Variants in ALK observed in about 807,000 individuals in gnomAD.
ALK encodes the protein ALK receptor tyrosine kinase.
In ALK, 74 loss-of-function variants were observed where a neutral mutation model predicts 163.1. The ratio of observed to expected loss-of-function variants is 0.45; its 90% CI spans 0.38 to 0.55. ALK has a LOEUF of 0.55. ALK is among the 20% of genes least tolerant of loss of function. The pLI, the probability that ALK is intolerant of heterozygous loss-of-function variation, is 0.00. For synonymous variants in ALK, 960 were observed against 843.2 expected, an observed-to-expected ratio of 1.14 and a Z score of -2.40; for missense variants, 2,063 against 2,105.3, an observed-to-expected ratio of 0.98 and a Z score of 0.39.
chr2:29,351,110 G>A (rs1668100231), intron 5 of ALK, among the ~76,000 whole-genome samples: 2 of 152,182 alleles, frequency 1.3e-5, no homozygotes, highest in African/African-American at 2.4e-5. Context: ...ATTTGAACAT[G>A]GGACACGTTT....
At chr2:29,424,648 T>A (rs1670093373) in intron 4 of ALK, among the ~76,000 whole-genome samples, 1 of 152,210 alleles carries the variant, frequency 6.6e-6, no homozygotes, top group South Asian at 2.1e-4. Context: ...AGCTTAATTA[T>A]TTGTATATTC....
At chr2:29,862,420 T>C (rs1276974620) in intron 1 of ALK, among the ~76,000 whole-genome samples, 1 of 152,184 alleles carries the variant, frequency 6.6e-6, no homozygotes, top group Non-Finnish European at 1.5e-5. Context: ...AACGAACTGT[T>C]AGAAATAATA....
In ALK at chr2:29,193,317, G is replaced by A. The variant is rs1364640889; in HGVS notation, c.4770C>T (p.Gly1590=). ...GNVNYGYQQQ[G]LPLEAATAPG... ...GGGCAGTAGCGGCTTCTAAGGGCAA[G>A]CCCTGTTGCTGGTAGCCGTAATTGA... The change falls in exon 29 of 29, where the codon GGC becomes GGT. Residue 1590 remains glycine, a synonymous_variant. Coordinates refer to ENST00000389048, the MANE Select transcript of ALK (RefSeq NM_004304.5). 1 of 1,614,190 alleles carries A rather than the reference G, an allele frequency of 6.2e-7. No individual in the cohort carries two copies. The highest frequency in any genetic ancestry group is 8.5e-7 in the Non-Finnish European group (1 of 1,180,036).
chr2:29,785,874 G>C (rs1465595174), intron 1 of ALK, among the ~76,000 whole-genome samples: 1 of 151,358 alleles, frequency 6.6e-6, no homozygotes, highest in Non-Finnish European at 1.5e-5. Context: ...GAGATTCAGG[G>C]GGAATATCAT....
At chr2:29,784,676 C>T (rs772440478) in intron 1 of ALK, among the ~76,000 whole-genome samples, 39 of 148,510 alleles carry the variant, frequency 2.6e-4, no homozygotes, top group Admixed American at 4.8e-4. Context: ...GGCTGGGTGA[C>T]AGAGCAAGAC....
At chr2:29,610,858 A>C (rs1212777804) in intron 3 of ALK, among the ~76,000 whole-genome samples, 1 of 152,092 alleles carries the variant, frequency 6.6e-6, no homozygotes, top group East Asian at 1.9e-4. Flanking sequence ...GAGTTTTGTC[A>C]CTTGAATACA....
At chr2:29,868,043 AGCCTTGAGATCAT>A (rs1666483930) in intron 1 of ALK, among the ~76,000 whole-genome samples, 1 of 152,224 alleles carries the variant, frequency 6.6e-6, no homozygotes, top group Non-Finnish European at 1.5e-5. Context: ...GGAAGCTCAA[AGCCTTGAGATCAT>A]GCCCTACTTT....
At chr2:29,465,275 T>C (rs1671182567) in intron 4 of ALK, among the ~76,000 whole-genome samples, 1 of 152,200 alleles carries the variant, frequency 6.6e-6, no homozygotes, top group East Asian at 1.9e-4. Flanking sequence ...TAGAGCAATA[T>C]CTTTAAAGTG....
In ALK at chr2:29,580,267, G is replaced by A. The variant is rs76986199; in HGVS notation, c.953-48151C>T. On this transcript the variant is annotated intron_variant, in intron 3 of 28. Coordinates refer to ENST00000389048, the MANE Select transcript of ALK (RefSeq NM_004304.5). ...TTGCTCATGTCAACCCGTGATTACC[G>A]TGCACTACCTTGATAACAGCCTGCT... 1.7e-3 allele frequency among the ~76,000 whole-genome samples: 252 copies of A among 152,234 alleles called. 1 individual carries two copies. Among genetic ancestry groups the A allele is most frequent in the African/African-American group, 4.9e-3 (204 of 41,536 alleles).
chr2:29,212,604 T>C (rs1669493699), intron 24 of ALK, among the ~76,000 whole-genome samples: 1 of 152,246 alleles, frequency 6.6e-6, no homozygotes, highest in South Asian at 2.1e-4. Flanking sequence ...GGAGTGACTT[T>C]GGAACTTAGG....
chr2:29,830,999 A>G (rs1263018165), intron 1 of ALK, among the ~76,000 whole-genome samples: 1 of 50,618 alleles, frequency 2.0e-5, no homozygotes, highest in African/African-American at 6.2e-5. Flanking sequence ...AAGAAGAAGA[A>G]GAAGAAGAAG....
At chr2:29,762,485 G>A (rs1010758325) in intron 1 of ALK, among the ~76,000 whole-genome samples, 4 of 152,170 alleles carry the variant, frequency 2.6e-5, no homozygotes, top group Non-Finnish European at 4.4e-5. Context: ...TATATATTGT[G>A]GAACAACTTG....
intron 1 of ALK, among the ~76,000 whole-genome samples, chr2:29,825,208 G>A (rs1665163870): frequency 1.3e-5 from 2 of 152,192 alleles, no homozygotes; most frequent in Admixed American, 6.5e-5. Flanking sequence ...TCTTTGTTTT[G>A]TAAATTGCCC....
chr2:29,715,060 C>A (rs1212721716), intron 2 of ALK, among the ~76,000 whole-genome samples: 2 of 152,192 alleles, frequency 1.3e-5, no homozygotes, highest in Non-Finnish European at 2.9e-5. Context: ...GAAGGGCCAA[C>A]CCTTACCTGT....
chr2:29,704,844 C>T (rs550995936), intron 2 of ALK, among the ~76,000 whole-genome samples: 35 of 152,206 alleles, frequency 2.3e-4, no homozygotes, highest in African/African-American at 7.9e-4. Flanking sequence ...CAGCTCCAGG[C>T]GCATCAGCCT....
intron 1 of ALK, among the ~76,000 whole-genome samples, chr2:29,803,246 G>A (rs1303365914): frequency 6.6e-6 from 1 of 152,142 alleles, no homozygotes; most frequent in Non-Finnish European, 1.5e-5. Context: ...CCATCAACAT[G>A]AGCTTCTGAA....
chr2:29,740,748 T>C (rs994541134), intron 1 of ALK, among the ~76,000 whole-genome samples: 1 of 152,216 alleles, frequency 6.6e-6, no homozygotes, highest in Admixed American at 6.5e-5. Flanking sequence ...ACACCTGTAA[T>C]CCCAGCACTT....
rs547711179 is a variant in ALK at position 29,352,919 on chromosome 2, A to G, written c.1283-24438T>C. Among the ~76,000 whole-genome samples, 4 of 152,380 alleles carry G rather than the reference A, an allele frequency of 2.6e-5. No homozygotes were observed. The South Asian group carries it at 8.3e-4, about 32-fold the overall frequency. The stretch of plus-strand genomic sequence containing the variant: ...GCTGTCATTGTTCATTCCTGGGTGC[A>G]GGAGAAACTAACTTCGGGAAGAACT... On this transcript the variant is annotated intron_variant, in intron 5 of 28. Coordinates refer to ENST00000389048, the MANE Select transcript of ALK (RefSeq NM_004304.5).
At chr2:29,619,410 A>G (rs909334473) in intron 3 of ALK, among the ~76,000 whole-genome samples, 8 of 152,196 alleles carry the variant, frequency 5.3e-5, no homozygotes, top group African/African-American at 1.9e-4. Flanking sequence ...TAAACCACCA[A>G]TACCTGTTCT....
Sources: gnomAD v4.1 joint callset for allele counts (sites outside exome capture counted in the v4.1 genomes callset) on GRCh38, gnomAD v4.1.1 for gene constraint, MANE v1.5 for transcripts, NCBI Gene and HGNC (gene_info 2026-07-23, HGNC 2026-07-21) for gene names.